The following ARHGAP28 variants were observed in gnomAD, a reference collection of about 807,000 sequenced individuals.
The protein encoded by ARHGAP28 is rho GTPase-activating protein 28.
ARHGAP28 carries 56 observed loss-of-function variants against 90.7 expected under a neutral mutation model. That is an observed-to-expected ratio of 0.62 (90% CI 0.50 to 0.77). The LOEUF (loss-of-function observed/expected upper bound fraction) is 0.77, where lower values mean the gene tolerates loss of function less well. ARHGAP28 is among the 30% of genes least tolerant of loss of function. The pLI is 0.00. For synonymous variants in ARHGAP28, 308 were observed against 323.3 expected (o/e 0.95, Z 0.51); for missense variants, 869 against 900.9 (o/e 0.96, Z 0.45).
At chr18:6,847,724 A>G (rs528971306) in intron 3 of ARHGAP28, among the ~76,000 whole-genome samples, 1 of 152,200 alleles carries the variant, frequency 6.6e-6, no homozygotes, top group South Asian at 2.1e-4. Flanking sequence ...AATATCAAAA[A>G]TACATAATCT....
intron 16 of ARHGAP28, among the ~76,000 whole-genome samples, chr18:6,905,793 C>T (rs909692118): frequency 9.9e-5 from 15 of 152,094 alleles, no homozygotes; most frequent in African/African-American, 3.6e-4. Context: ...ATACCCTTTA[C>T]AGTCACTCTA....
At chr18:6,841,208 C>CCTCTCTCTCT (rs369622522) in intron 3 of ARHGAP28, among the ~76,000 whole-genome samples, 568 of 43,102 alleles carry the variant, frequency 0.013, 11 homozygotes, top group Non-Finnish European at 0.019. Flanking sequence ...TCTCTCCTCT[C>CCTCTCTCTCT]CTCTCTCTCT....
At chr18:6,892,429 G>A (rs2057273243) in intron 14 of ARHGAP28, among the ~76,000 whole-genome samples, 1 of 152,180 alleles carries the variant, frequency 6.6e-6, no homozygotes, top group Admixed American at 6.5e-5. Flanking sequence ...TGGGATGACA[G>A]GAGTGAACCA....
At chr18:6,812,737 T>A (rs2056565817) in intron 1 of ARHGAP28, among the ~76,000 whole-genome samples, 1 of 152,216 alleles carries the variant, frequency 6.6e-6, no homozygotes, top group Non-Finnish European at 1.5e-5. Flanking sequence ...GTGTGAAGTG[T>A]CAGCCACTAT....
At chr18:6,904,297 G>A (rs1294248288) in intron 16 of ARHGAP28, among the ~76,000 whole-genome samples, 1 of 152,128 alleles carries the variant, frequency 6.6e-6, no homozygotes, top group Admixed American at 6.5e-5. Context: ...AGGTGGCTGA[G>A]GCAGGAGAAT....
chr18:6,779,230 GA>G (rs2056306604), intron 1 of ARHGAP28, among the ~76,000 whole-genome samples: 1 of 152,148 alleles, frequency 6.6e-6, no homozygotes, highest in African/African-American at 2.4e-5. Context: ...TACTGCATAT[GA>G]AAATAATCCT....
chr18:6,804,868 TA>T (rs2056506981), intron 1 of ARHGAP28, among the ~76,000 whole-genome samples: 1 of 152,272 alleles, frequency 6.6e-6, no homozygotes, highest in African/African-American at 2.4e-5. Flanking sequence ...TGAAAACGTG[TA>T]TTCTGCTATT....
At chr18:6,769,167 A>C (rs1165252525) in intron 1 of ARHGAP28, among the ~76,000 whole-genome samples, 10 of 152,012 alleles carry the variant, frequency 6.6e-5, no homozygotes, top group Non-Finnish European at 1.2e-4. Context: ...CTGGACTGAC[A>C]CAAGCTGATA....
chr18:6,909,300 C>CTTTTCTTTTCTTTTCTTTTCT (rs2057382798), intron 17 of ARHGAP28, among the ~76,000 whole-genome samples: 1 of 121,982 alleles, frequency 8.2e-6, no homozygotes, highest in South Asian at 2.6e-4. Flanking sequence ...CTTTTCTTTT[C>CTTTTCTTTTCTTTTCTTTTCT]TTTTTTTTTT....
chr18:6,873,795 A>G lies in ARHGAP28; in HGVS notation c.1212+20A>G, dbSNP rs755172611. ...CAAAAAGTGAGTAGCAGGCAAATGA[A>G]AGGGGAATTCACAGAGCCTCATGCT... On this transcript the variant is annotated intron_variant, in intron 9 of 17. Coordinates refer to ENST00000383472, the MANE Select transcript of ARHGAP28 (RefSeq NM_001366230.1). 1 of 1,596,394 alleles carries G rather than the reference A, an allele frequency of 6.3e-7. No homozygotes were observed. Among genetic ancestry groups the G allele is most frequent in the Non-Finnish European group, 8.6e-7 (1 of 1,165,252 alleles).
At chr18:6,823,726 T>C (rs2056641731) in intron 1 of ARHGAP28, among the ~76,000 whole-genome samples, 1 of 152,008 alleles carries the variant, frequency 6.6e-6, no homozygotes, top group Non-Finnish European at 1.5e-5. Context: ...CAAAACTGAC[T>C]TGTTAGGAAA....
In ARHGAP28 at chr18:6,868,161, G is replaced by A; in HGVS notation, c.738G>A (p.Glu246=). The change falls in exon 6 of 18, where the codon GAG becomes GAA. Residue 246 remains glutamate (E), a synonymous_variant. Coordinates refer to ENST00000383472, the MANE Select transcript of ARHGAP28 (RefSeq NM_001366230.1). ...VPRSDSVAIL[E]TIPVLPVHSN... ...CCTTTGCTTGGCAGGCTATACTTGAGACCATTCCAGTTCTACCAGTTCATT... is the reference window on the plus strand; with the variant it reads ...CCTTTGCTTGGCAGGCTATACTTGAAACCATTCCAGTTCTACCAGTTCATT... 2 of 1,614,002 alleles carry A rather than the reference G, an allele frequency of 1.2e-6. No homozygotes were observed. Among genetic ancestry groups the A allele is most frequent in the Non-Finnish European group, 1.7e-6 (2 of 1,179,906 alleles).
At chr18:6,889,360 C>T (rs753177490) in intron 12 of ARHGAP28, among the ~76,000 whole-genome samples, 1 of 152,030 alleles carries the variant, frequency 6.6e-6, no homozygotes, top group Non-Finnish European at 1.5e-5. Context: ...AAATAGCACC[C>T]AAAAATTCAA....
chr18:6,774,675 C>T (rs998779945), intron 1 of ARHGAP28, among the ~76,000 whole-genome samples: 2 of 152,186 alleles, frequency 1.3e-5, no homozygotes, highest in African/African-American at 4.8e-5. Context: ...AGTTCATTAG[C>T]CAAGCAAGCT....
chr18:6,790,582 C>G (rs60534899), intron 1 of ARHGAP28: 33 of 152,086 alleles, frequency 2.2e-4, no homozygotes, highest in African/African-American at 8.0e-4. Flanking sequence ...AAATCCAAGT[C>G]GAACAGAGTG....
At chr18:6,768,780 G>A (rs2056220054) in intron 1 of ARHGAP28, among the ~76,000 whole-genome samples, 1 of 152,036 alleles carries the variant, frequency 6.6e-6, no homozygotes, top group Non-Finnish European at 1.5e-5. Context: ...CCTTAACTCA[G>A]TGAGACCCCA....
chr18:6,828,126 A>G (rs1451871475), intron 2 of ARHGAP28, among the ~76,000 whole-genome samples: 2 of 152,176 alleles, frequency 1.3e-5, no homozygotes, highest in Non-Finnish European at 2.9e-5. Flanking sequence ...AGGCTGGCAG[A>G]TCACTCGCGG....
At chr18:6,798,147 C>T (rs1489381431) in intron 1 of ARHGAP28, among the ~76,000 whole-genome samples, 1 of 152,070 alleles carries the variant, frequency 6.6e-6, no homozygotes, top group Non-Finnish European at 1.5e-5. Context: ...AAAAAAACAC[C>T]TCCATCTACA....
intron 5 of ARHGAP28, among the ~76,000 whole-genome samples, chr18:6,860,423 T>G (rs2056988178): frequency 6.6e-6 from 1 of 152,174 alleles, no homozygotes; most frequent in Admixed American, 6.5e-5. Flanking sequence ...ATTTTTGTCA[T>G]TCCCCCTCCC....
Sources: gnomAD v4.1 joint callset for allele counts (sites outside exome capture counted in the v4.1 genomes callset) on GRCh38, gnomAD v4.1.1 for gene constraint, MANE v1.5 for transcripts, NCBI Gene and HGNC (gene_info 2026-07-23, HGNC 2026-07-21) for gene names.